Variants in PLPP4 observed in about 807,000 individuals in gnomAD.
PLPP4 encodes phospholipid phosphatase 4.
Under a neutral mutation model 32.2 loss-of-function variants are expected in PLPP4, and 20 were observed. That is an observed-to-expected ratio of 0.62 (90% CI 0.44 to 0.90). The LOEUF is 0.90. Among genes scored for constraint, PLPP4 ranks in the 40% least tolerant of loss-of-function variants. The pLI is 0.00. For synonymous variants in PLPP4, 127 were observed against 133.0 expected (o/e 0.95, Z 0.31); for missense variants, 257 against 353.1 (o/e 0.73, Z 2.18).
At chr10:120,484,143 A>C (rs868326795) in intron 1 of PLPP4, among the ~76,000 whole-genome samples, 5 of 152,198 alleles carry the variant, frequency 3.3e-5, no homozygotes, top group African/African-American at 1.2e-4. Flanking sequence ...CATTGTTAAC[A>C]TTTTGGGGAT....
chr10:120,463,816 CT>C (rs749854590), intron 1 of PLPP4, among the ~76,000 whole-genome samples: 21 of 150,454 alleles, frequency 1.4e-4, no homozygotes, highest in Admixed American at 5.3e-4. Context: ...CCAGAGGATT[CT>C]TTTTTTTTGT....
chr10:120,528,235 CG>C (rs1302506926), intron 5 of PLPP4, among the ~76,000 whole-genome samples: 1 of 152,034 alleles, frequency 6.6e-6, no homozygotes, highest in Non-Finnish European at 1.5e-5. Context: ...CCACCATGCT[CG>C]GCTAATTTTT....
chr10:120,542,781 G>A (rs1172637274), intron 5 of PLPP4, among the ~76,000 whole-genome samples: 2 of 152,222 alleles, frequency 1.3e-5, no homozygotes, highest in Non-Finnish European at 2.9e-5. Flanking sequence ...ACTGCAGAGT[G>A]ACTGTCGATG....
intron 6 of PLPP4, among the ~76,000 whole-genome samples, chr10:120,579,351 C>T (rs1849373679): frequency 1.3e-5 from 2 of 152,186 alleles, no homozygotes; most frequent in Non-Finnish European, 2.9e-5. Context: ...CCCACCCAGA[C>T]TAAGGTTGGA....
chr10:120,574,897 A>G (rs1396366740), intron 5 of PLPP4, among the ~76,000 whole-genome samples: 1 of 152,194 alleles, frequency 6.6e-6, no homozygotes, highest in African/African-American at 2.4e-5. Flanking sequence ...TATTGAATGA[A>G]TGGATGAAAT....
chr10:120,503,782 G>T, intron 1 of PLPP4, 36 bp from the exon 2 acceptor site: 2 of 1,596,816 alleles, frequency 1.3e-6, no homozygotes, highest in Non-Finnish European at 1.7e-6. Flanking sequence ...GCAACAGAAC[G>T]CTCAACCTTC....
intron 1 of PLPP4, among the ~76,000 whole-genome samples, chr10:120,482,416 G>C (rs1311314840): frequency 2.0e-5 from 3 of 152,172 alleles, no homozygotes; most frequent in African/African-American, 7.2e-5. Flanking sequence ...GAGACTGGAG[G>C]CATTTTGCCC....
intron 5 of PLPP4, among the ~76,000 whole-genome samples, chr10:120,558,130 C>T (rs1032527293): frequency 2.6e-5 from 4 of 151,474 alleles, no homozygotes; most frequent in Non-Finnish European, 4.4e-5. Flanking sequence ...CCTACATTAC[C>T]CTCCTGGTGG....
At chr10:120,483,950 C>G (rs926926684) in intron 1 of PLPP4, among the ~76,000 whole-genome samples, 1 of 152,178 alleles carries the variant, frequency 6.6e-6, no homozygotes, top group Non-Finnish European at 1.5e-5. Flanking sequence ...ATAAATTACC[C>G]AGTCTCAGGT....
intron 2 of PLPP4, among the ~76,000 whole-genome samples, chr10:120,510,543 G>A (rs1042810758): frequency 3.9e-5 from 6 of 152,268 alleles, no homozygotes; most frequent in South Asian, 2.1e-4. Flanking sequence ...CCCCTGGCTC[G>A]GGCAGCAGAA....
At chr10:120,483,371 C>T (rs1014641522) in intron 1 of PLPP4, among the ~76,000 whole-genome samples, 5 of 152,178 alleles carry the variant, frequency 3.3e-5, no homozygotes, top group Non-Finnish European at 7.3e-5. Flanking sequence ...TTCATATATA[C>T]GTCTATCCTA....
intron 5 of PLPP4, among the ~76,000 whole-genome samples, chr10:120,572,923 A>C (rs1283361024): frequency 6.6e-6 from 1 of 152,218 alleles, no homozygotes; most frequent in Non-Finnish European, 1.5e-5. Context: ...TGGGCCATGC[A>C]GTTTCTTCTC....
At chr10:120,485,745 A>G (rs1232885206) in intron 1 of PLPP4, among the ~76,000 whole-genome samples, 1 of 152,224 alleles carries the variant, frequency 6.6e-6, no homozygotes, top group African/African-American at 2.4e-5. Flanking sequence ...AGAACAAGAA[A>G]AGCAAAAAGA....
chr10:120,560,936 A>G (rs1043720355), intron 5 of PLPP4, among the ~76,000 whole-genome samples: 2 of 152,116 alleles, frequency 1.3e-5, no homozygotes, highest in Non-Finnish European at 2.9e-5. Flanking sequence ...TCAGATTTTC[A>G]ATTGCATGGG....
intron 5 of PLPP4, among the ~76,000 whole-genome samples, chr10:120,522,795 T>C (rs1442569646): frequency 1.3e-5 from 2 of 152,156 alleles, no homozygotes; most frequent in African/African-American, 4.8e-5. Context: ...AAAGTAACCA[T>C]GTGATGAGAT....
chr10:120,550,990 A>G (rs539032771), intron 5 of PLPP4, among the ~76,000 whole-genome samples: 19 of 152,256 alleles, frequency 1.2e-4, no homozygotes, highest in Non-Finnish European at 2.6e-4. Flanking sequence ...TACAGTTCAT[A>G]TGTCTCAAAA....
chr10:120,506,149 T>C (rs1438323347), intron 2 of PLPP4, among the ~76,000 whole-genome samples: 4 of 152,250 alleles, frequency 2.6e-5, no homozygotes, highest in Non-Finnish European at 4.4e-5. Flanking sequence ...CAGAAGGATA[T>C]TCAGCTACAC....
intron 5 of PLPP4, among the ~76,000 whole-genome samples, chr10:120,558,497 C>T (rs1202393507): frequency 6.6e-6 from 1 of 150,496 alleles, no homozygotes; most frequent in Non-Finnish European, 1.5e-5. Context: ...CGACCTGCAA[C>T]CTCCACCTCC....
At chr10:120,585,433 T>C (rs1849707215) in intron 6 of PLPP4, among the ~76,000 whole-genome samples, 1 of 152,166 alleles carries the variant, frequency 6.6e-6, no homozygotes, top group Non-Finnish European at 1.5e-5. Context: ...TCTGAGTTGC[T>C]GTGTGAGGAG....
Sources: gnomAD v4.1 joint callset for allele counts (sites outside exome capture counted in the v4.1 genomes callset) on GRCh38, gnomAD v4.1.1 for gene constraint, MANE v1.5 for transcripts, NCBI Gene and HGNC (gene_info 2026-07-23, HGNC 2026-07-21) for gene names.